The following CDH13 variants were observed in gnomAD, a reference collection of about 807,000 sequenced individuals.
The protein encoded by CDH13 is cadherin-13.
A neutral mutation model predicts 63.8 loss-of-function variants in CDH13; 24 were observed. That is an observed-to-expected ratio of 0.38 (90% CI 0.27 to 0.53). The LOEUF (loss-of-function observed/expected upper bound fraction) is 0.53, where lower values mean the gene tolerates loss of function less well. Ranked by LOEUF, CDH13 falls within the 20% of genes least tolerant of loss-of-function variation. The pLI is 0.85. For missense variants in CDH13, 1,049 were observed against 903.1 expected (o/e 1.16, Z -2.07); for synonymous variants, 503 against 355.3 (o/e 1.42, Z -4.67).
chr16:83,603,449 A>T (rs1043171859), intron 8 of CDH13, among the ~76,000 whole-genome samples: 3 of 152,204 alleles, frequency 2.0e-5, no homozygotes, highest in African/African-American at 7.2e-5. Context: ...AAATGAGCTT[A>T]CTGTGATGCT....
intron 1 of CDH13, among the ~76,000 whole-genome samples, chr16:82,834,769 GA>G (rs2038695546): frequency 6.6e-6 from 1 of 152,202 alleles, no homozygotes; most frequent in Admixed American, 6.5e-5. Context: ...TTATGCTCTG[GA>G]AAGGGGTCTG....
chr16:83,163,636 T>A (rs2037540450), intron 4 of CDH13, among the ~76,000 whole-genome samples: 1 of 152,064 alleles, frequency 6.6e-6, no homozygotes, highest in African/African-American at 2.4e-5. Flanking sequence ...CTAGCCAAAG[T>A]GTGTCATCTC....
chr16:83,596,370 T>C (rs1907257294), intron 7 of CDH13, among the ~76,000 whole-genome samples: 1 of 152,316 alleles, frequency 6.6e-6, no homozygotes, highest in African/African-American at 2.4e-5. Flanking sequence ...TGACTCTCAG[T>C]CCCACATTTC....
In CDH13 at chr16:83,143,819, G is replaced by A. The variant is rs538069313; in HGVS notation, c.483+18318G>A. ...TTCTCACCCACTACTCCTCTTTGCCGTTCCTCTGCCTGACTCTATTAAGAT... is the reference window on the plus strand; with the variant it reads ...TTCTCACCCACTACTCCTCTTTGCCATTCCTCTGCCTGACTCTATTAAGAT... On this transcript the variant is annotated intron_variant, in intron 4 of 13. Coordinates refer to ENST00000567109, the MANE Select transcript of CDH13 (RefSeq NM_001257.5). 1.1e-4 allele frequency among the ~76,000 whole-genome samples: 16 copies of A among 151,956 alleles called. No homozygotes were observed. In the East Asian group the frequency reaches 1.2e-3, roughly 11 times the overall value.
intron 5 of CDH13, among the ~76,000 whole-genome samples, chr16:83,264,214 C>T (rs1907323756): frequency 6.6e-6 from 1 of 152,144 alleles, no homozygotes; most frequent in African/African-American, 2.4e-5. Context: ...TGATGCTCTC[C>T]TGATAAATAC....
intron 1 of CDH13, among the ~76,000 whole-genome samples, chr16:82,754,352 T>A (rs1178060929): frequency 6.6e-6 from 1 of 152,188 alleles, no homozygotes; most frequent in Non-Finnish European, 1.5e-5. Context: ...GTTGAATGAA[T>A]AACCGAATGA....
intron 8 of CDH13, among the ~76,000 whole-genome samples, chr16:83,617,782 T>C (rs1434812422): frequency 6.6e-6 from 1 of 151,940 alleles, no homozygotes; most frequent in Non-Finnish European, 1.5e-5. Context: ...TATTCTAATA[T>C]GCACATATCT....
intron 5 of CDH13, among the ~76,000 whole-genome samples, chr16:83,327,852 G>A (rs1423734538): frequency 6.6e-6 from 1 of 152,226 alleles, no homozygotes; most frequent in African/African-American, 2.4e-5. Flanking sequence ...ACACCTGGTG[G>A]CTGGGCGCAG....
At chr16:83,383,474 GC>G (rs2091611366) in intron 6 of CDH13, among the ~76,000 whole-genome samples, 2 of 152,166 alleles carry the variant, frequency 1.3e-5, no homozygotes, top group Non-Finnish European at 2.9e-5. Context: ...CTGAGCATCT[GC>G]CCTGATGGTG....
At chr16:82,689,003 G>T (rs1203572218) in intron 1 of CDH13, 4 of 152,156 alleles carry the variant, frequency 2.6e-5, no homozygotes, top group Non-Finnish European at 5.9e-5. Flanking sequence ...CTTTGATCTT[G>T]CCATAATGGT....
intron 7 of CDH13, among the ~76,000 whole-genome samples, chr16:83,600,173 G>T (rs950544750): frequency 1.3e-5 from 2 of 152,160 alleles, no homozygotes; most frequent in African/African-American, 2.4e-5. Context: ...AAGCACCTTC[G>T]CAGACCAGCG....
chr16:83,706,338 A>C (rs1005369455), intron 10 of CDH13, among the ~76,000 whole-genome samples: 1 of 152,216 alleles, frequency 6.6e-6, no homozygotes, highest in Non-Finnish European at 1.5e-5. Context: ...TATTGCACTC[A>C]TTCATGAAGG....
intron 5 of CDH13, among the ~76,000 whole-genome samples, chr16:83,249,057 C>T (rs1905236282): frequency 6.6e-6 from 1 of 152,184 alleles, no homozygotes; most frequent in Admixed American, 6.5e-5. Context: ...ATCTGACTCT[C>T]AGAAATAACT....
intron 2 of CDH13, among the ~76,000 whole-genome samples, chr16:82,889,014 T>G (rs969495294): frequency 3.3e-5 from 5 of 152,188 alleles, no homozygotes; most frequent in Admixed American, 6.5e-5. Context: ...TTTACTTCCC[T>G]GGGCTATAAT....
intron 1 of CDH13, chr16:82,824,868 C>G (rs2038169494): frequency 6.6e-6 from 1 of 152,152 alleles, no homozygotes; most frequent in Non-Finnish European, 1.5e-5. Flanking sequence ...TGTTTGCTGC[C>G]ATTTAGAAAT....
intron 8 of CDH13, among the ~76,000 whole-genome samples, chr16:83,618,244 G>C (rs866712372): frequency 2.6e-5 from 4 of 152,014 alleles, no homozygotes; most frequent in Admixed American, 1.3e-4. Flanking sequence ...GGGCAACATA[G>C]TGAAACCTTG....
intron 5 of CDH13, among the ~76,000 whole-genome samples, chr16:83,255,068 T>C (rs1324944324): frequency 1.4e-5 from 2 of 142,814 alleles, no homozygotes; most frequent in East Asian, 4.2e-4. Flanking sequence ...GCCCAAGGTG[T>C]CTGTGACAGA....
intron 4 of CDH13, among the ~76,000 whole-genome samples, chr16:83,213,010 T>C (rs1387057434): frequency 6.6e-6 from 1 of 152,130 alleles, no homozygotes; most frequent in Non-Finnish European, 1.5e-5. Flanking sequence ...GCTGTGGGTG[T>C]TTCTTCAAAG....
intron 1 of CDH13, among the ~76,000 whole-genome samples, chr16:82,809,666 T>C (rs770581824): frequency 1.2e-4 from 19 of 152,150 alleles, no homozygotes; most frequent in Non-Finnish European, 2.4e-4. Flanking sequence ...CATAAAGGTA[T>C]TAAAGTGATG....
Sources: gnomAD v4.1 joint callset for allele counts (sites outside exome capture counted in the v4.1 genomes callset) on GRCh38, gnomAD v4.1.1 for gene constraint, MANE v1.5 for transcripts, NCBI Gene and HGNC (gene_info 2026-07-23, HGNC 2026-07-21) for gene names.